Variants in C4orf51 observed in about 807,000 individuals in gnomAD.
The protein encoded by C4orf51 is chromosome 4 open reading frame 51.
In C4orf51, 25 loss-of-function variants were observed where a neutral mutation model predicts 25.2. The observed-to-expected ratio is 0.99, with a 90% CI of 0.72 to 1.39. The LOEUF (loss-of-function observed/expected upper bound fraction) is 1.39. Ranked by LOEUF, C4orf51 falls within the 40% of genes most tolerant of loss-of-function variation. The probability of loss-of-function intolerance (pLI) is 0.00; values close to 1 mark genes in which losing one functional copy is unlikely to be tolerated. For missense variants in C4orf51, 252 were observed against 239.6 expected (o/e 1.05, Z -0.34); for synonymous variants, 100 against 84.5 (o/e 1.18, Z -1.01).
chr4:145,765,087 G>C lies in C4orf51; in HGVS notation n.167-5901G>C, dbSNP rs1398275699. 2 of 1,614,082 alleles carry C rather than the reference G, an allele frequency of 1.2e-6. No homozygotes were observed. Among genetic ancestry groups the C allele is most frequent in the Non-Finnish European group, 1.7e-6 (2 of 1,180,042 alleles). ...GCACACATCACACTCAAACATCCGG[G>C]TGATGAGGTGTATCTGCAGATGACG... On this transcript the variant is annotated intron_variant and non_coding_transcript_variant, in intron 1 of 1. Coordinates refer to the C4orf51 transcript ENST00000510096. This position sits in a 1 kb window ranked among gnomAD's most constrained non-coding sequence, Gnocchi z 4.7.
chr4:145,723,885 G>A (rs1251788994), intron 2 of C4orf51, among the ~76,000 whole-genome samples: 1 of 152,126 alleles, frequency 6.6e-6, no homozygotes, highest in East Asian at 1.9e-4. Flanking sequence ...TTAGCTAACC[G>A]TACTCCAACA....
chr4:145,768,890 A>AAAAAAAT (rs1553975847), intron 1 of C4orf51, among the ~76,000 whole-genome samples: 1 of 7,724 alleles, frequency 1.3e-4, no homozygotes. Context: ...AAAAAAAAAA[A>AAAAAAAT]ATATATATAT....
At position 145,765,572 on chromosome 4, in the gene C4orf51, C is replaced by T; in HGVS notation, n.167-5416C>T. The T allele has an allele frequency of 1.2e-6, 2 of 1,613,660 alleles. No homozygotes were observed. The highest frequency in any genetic ancestry group is 2.2e-5 in the South Asian group (2 of 90,972). On this transcript the variant is annotated intron_variant and non_coding_transcript_variant, in intron 1 of 1. Coordinates refer to the C4orf51 transcript ENST00000510096. This position sits in a 1 kb window ranked among gnomAD's most constrained non-coding sequence, Gnocchi z 4.7. ...CTTTCTCTGGCTTTTCCTCACTGTTCAGTGAGGGCTGGCTCCCAGGCATGA... is the reference window on the plus strand; with the variant it reads ...CTTTCTCTGGCTTTTCCTCACTGTTTAGTGAGGGCTGGCTCCCAGGCATGA...
chr4:145,775,698 C>T, downstream of C4orf51: 2 of 1,470,460 alleles, frequency 1.4e-6, no homozygotes, highest in Non-Finnish European at 9.3e-7. Flanking sequence ...AGAAAAGGGG[C>T]CTCGTGATGT....
intron 1 of C4orf51, among the ~76,000 whole-genome samples, chr4:145,752,990 G>A (rs1356657751): frequency 6.6e-6 from 1 of 152,136 alleles, no homozygotes; most frequent in Non-Finnish European, 1.5e-5. Context: ...CAGATCCTGC[G>A]TGCCACGTGG....
chr4:145,723,287 A>G (rs559561302), intron 2 of C4orf51, among the ~76,000 whole-genome samples: 27 of 152,272 alleles, frequency 1.8e-4, no homozygotes, highest in Non-Finnish European at 3.8e-4. Context: ...TGTACATACA[A>G]CTTAAGGCTG....
intron 2 of C4orf51, among the ~76,000 whole-genome samples, chr4:145,716,791 T>G (rs1647183053): frequency 6.6e-6 from 1 of 152,182 alleles, no homozygotes; most frequent in South Asian, 2.1e-4. Flanking sequence ...CTGTTAGCTT[T>G]CCTAGTAAAA....
chr4:145,737,962 G>T (rs78614459), intron 1 of C4orf51, among the ~76,000 whole-genome samples: 1 of 152,272 alleles, frequency 6.6e-6, no homozygotes, highest in East Asian at 1.9e-4. Flanking sequence ...AAATTCATCT[G>T]TATAGTAAAA....
At position 145,765,765 on chromosome 4, in the gene C4orf51, T is replaced by G. The variant is rs779040084; in HGVS notation, n.167-5223T>G. On this transcript the variant is annotated intron_variant and non_coding_transcript_variant, in intron 1 of 1. Transcript: ENST00000510096. The surrounding 1 kb of genome is among the most constrained non-coding windows in gnomAD (Gnocchi z 4.7). ...TGAAAAATAAGCAAATAACCCAGTC[T>G]GTTAATGAGATGAAAATCCTCAGAA... The G allele has an allele frequency of 2.4e-5, 38 of 1,602,814 alleles. No homozygotes were observed. The highest frequency in any genetic ancestry group is 3.2e-5 in the Non-Finnish European group (37 of 1,173,998).
intron 1 of C4orf51, among the ~76,000 whole-genome samples, chr4:145,687,254 T>C (rs1450017042): frequency 3.3e-5 from 5 of 152,150 alleles, no homozygotes; most frequent in Non-Finnish European, 1.5e-5. Flanking sequence ...TTCCCTCCCC[T>C]CTTTGAGTCT....
chr4:145,747,620 T>A (rs1733441406), intron 1 of C4orf51, among the ~76,000 whole-genome samples: 2 of 151,796 alleles, frequency 1.3e-5, no homozygotes, highest in South Asian at 4.2e-4. Flanking sequence ...TGTTGAAGAT[T>A]TTTTCATCAA....
At chr4:145,696,700 CTT>C in intron 2 of C4orf51, 68 bp downstream of exon 2, 1 of 1,164,222 alleles carries the variant, frequency 8.6e-7, no homozygotes. Context: ...CTTTCAGGTT[CTT>C]TTTTTTTCTC....
rs574773074 is a variant in C4orf51, at chr4:145,765,810, C to T, written n.167-5178C>T. The T allele has an allele frequency of 6.6e-5, 97 of 1,474,712 alleles. No individual in the cohort carries two copies. The highest frequency in any genetic ancestry group is 4.5e-4 in the African/African-American group (32 of 71,726). 91.4% of individuals were successfully genotyped at this position (1,474,712 alleles called of 1,614,324 possible). A position where few individuals can be genotyped will look rare whatever the true frequency, so the allele number is the denominator to read the frequency against. The stretch of plus-strand genomic sequence containing the variant: ...TCAGAATTATAGCAACTGAGGGTGA[C>T]GAGTTGAGTCTCATGGATGCATCAT... On this transcript the variant is annotated intron_variant and non_coding_transcript_variant, in intron 1 of 1. Transcript: ENST00000510096. This position sits in a 1 kb window ranked among gnomAD's most constrained non-coding sequence, Gnocchi z 4.7.
chr4:145,680,527 A>T (rs1197634860), intron 1 of C4orf51, 91 bp downstream of exon 1: 2 of 909,604 alleles, frequency 2.2e-6, no homozygotes, highest in Non-Finnish European at 3.4e-6. Flanking sequence ...ACCCTGAGAG[A>T]CTTCATAGAC....
At chr4:145,718,595 A>G (rs181991354) in intron 2 of C4orf51, among the ~76,000 whole-genome samples, 66 of 152,328 alleles carry the variant, frequency 4.3e-4, no homozygotes, top group African/African-American at 1.3e-3. Context: ...AACACAATCT[A>G]TTCTCCACAG....
intron 1 of C4orf51, among the ~76,000 whole-genome samples, chr4:145,694,847 C>T (rs9996564): frequency 0.44 from 66,784 of 151,792 alleles, 15,060 homozygotes; most frequent in Admixed American, 0.53. Flanking sequence ...CCTAGAGAAA[C>T]ACTCATAAAT....
intron 2 of C4orf51, 124 bp downstream of exon 2, chr4:145,696,756 G>A (rs1730089503): frequency 4.3e-6 from 3 of 704,216 alleles, no homozygotes. Flanking sequence ...TTGTAGGCCG[G>A]GCACTGTGGC....
At chr4:145,727,790 G>A (rs1409912679) in intron 3 of C4orf51, among the ~76,000 whole-genome samples, 2 of 149,076 alleles carry the variant, frequency 1.3e-5, no homozygotes, top group Non-Finnish European at 3.0e-5. Context: ...GCTGAGGCAG[G>A]AGAGTTGCTT....
At chr4:145,690,111 G>A (rs1016191245) in intron 1 of C4orf51, among the ~76,000 whole-genome samples, 6 of 151,900 alleles carry the variant, frequency 3.9e-5, no homozygotes, top group Non-Finnish European at 8.8e-5. Flanking sequence ...GGAGGCTGAG[G>A]CAGGAGAATC....
Sources: gnomAD v4.1 joint callset for allele counts (sites outside exome capture counted in the v4.1 genomes callset) on GRCh38, gnomAD v4.1.1 for gene constraint, Gnocchi (gnomAD v3.1) non-coding constraint, MANE v1.5 for transcripts, NCBI Gene and HGNC (gene_info 2026-07-23, HGNC 2026-07-21) for gene names.